LRCH3: variants seen among roughly 807,000 people sequenced by gnomAD.
The protein encoded by LRCH3 is DISP complex protein LRCH3.
LRCH3 carries 68 observed loss-of-function variants against 104.5 expected under a neutral mutation model. That is an observed-to-expected ratio of 0.65 (90% CI 0.54 to 0.80). The LOEUF (loss-of-function observed/expected upper bound fraction) is 0.80. Ranked by LOEUF, LRCH3 falls within the 30% of genes least tolerant of loss-of-function variation. The pLI is 0.00. For synonymous variants in LRCH3, 344 were observed against 361.3 expected (o/e 0.95, Z 0.54); for missense variants, 951 against 953.9 (o/e 1.00, Z 0.04).
intron 9 of LRCH3, among the ~76,000 whole-genome samples, chr3:197,838,060 C>T (rs1468956125): frequency 7.0e-6 from 1 of 142,812 alleles, no homozygotes; most frequent in Non-Finnish European, 1.5e-5. Context: ...ATTCTGTATC[C>T]AAAAAAAAAA....
chr3:197,849,280 A>G (rs1739226794), intron 12 of LRCH3, among the ~76,000 whole-genome samples: 2 of 151,164 alleles, frequency 1.3e-5, no homozygotes, highest in African/African-American at 4.9e-5. Context: ...AAAAAAAAAA[A>G]AAAAAAAAAA....
chr3:197,808,493 A>G (rs1401783000), intron 1 of LRCH3, among the ~76,000 whole-genome samples: 1 of 152,156 alleles, frequency 6.6e-6, no homozygotes, highest in African/African-American at 2.4e-5. Flanking sequence ...TTTAGATTAC[A>G]TCTGCTGCTA....
intron 10 of LRCH3, among the ~76,000 whole-genome samples, chr3:197,846,128 C>T (rs939053234): frequency 2.0e-5 from 3 of 151,674 alleles, no homozygotes; most frequent in Non-Finnish European, 4.4e-5. Flanking sequence ...CAGGGCGTGG[C>T]GTGGTGGCCC....
intron 8 of LRCH3, among the ~76,000 whole-genome samples, chr3:197,834,083 G>A (rs1736353724): frequency 6.6e-6 from 1 of 152,168 alleles, no homozygotes; most frequent in Non-Finnish European, 1.5e-5. Context: ...GCTTCCCCAA[G>A]TTCACTGTTC....
intron 6 of LRCH3, 109 bp from the exon 7 acceptor site, chr3:197,830,661 A>T: frequency 1.2e-6 from 1 of 808,728 alleles, no homozygotes; most frequent in Non-Finnish European, 2.0e-6. Flanking sequence ...TAGTTCTAAT[A>T]GTTAAGTGAC....
At chr3:197,804,315 T>C (rs956276940) in intron 1 of LRCH3, among the ~76,000 whole-genome samples, 1 of 152,132 alleles carries the variant, frequency 6.6e-6, no homozygotes, top group African/African-American at 2.4e-5. Flanking sequence ...AAGAAAGTTA[T>C]GACACCAGTT....
At position 197,797,880 on chromosome 3, in the gene LRCH3, AAAC is replaced by A. The variant is rs1281781773; in HGVS notation, c.262+6343_262+6345del. ...ATCTCAAAAAAAAAAAAAACAAAAA[AAAC>A]AAAAAAAAAAACAAAACCAGAAAAA... On this transcript the variant is annotated intron_variant, in intron 1 of 20. Transcript: ENST00000425562. 4.4e-3 allele frequency among the ~76,000 whole-genome samples: 602 copies of A among 137,264 alleles called. 4 individuals carry two copies. The highest frequency in any genetic ancestry group is 0.017 in the East Asian group (81 of 4,784). 90.1% of individuals were successfully genotyped at this position (137,264 alleles called of 152,430 possible).
chr3:197,869,282 A>G (rs1462312763), intron 17 of LRCH3, among the ~76,000 whole-genome samples: 5 of 147,118 alleles, frequency 3.4e-5, no homozygotes, highest in African/African-American at 7.6e-5. Context: ...GTAGAAAGCG[A>G]TGCACTGTAC....
chr3:197,793,971 C>T (rs971343722), intron 1 of LRCH3, among the ~76,000 whole-genome samples: 2 of 152,148 alleles, frequency 1.3e-5, no homozygotes, highest in African/African-American at 2.4e-5. Flanking sequence ...TGTAATTCAC[C>T]GTGTTAGATA....
intron 4 of LRCH3, among the ~76,000 whole-genome samples, chr3:197,825,548 C>T (rs541445444): frequency 2.7e-3 from 332 of 123,736 alleles, no homozygotes; most frequent in African/African-American, 9.8e-3. Context: ...GGCTCAATCT[C>T]GGCTCACTGC....
At position 197,885,081 on chromosome 3, in the gene LRCH3, G is replaced by T. The variant is rs1026191930; in HGVS notation, c.*1415G>T. 6.6e-6 allele frequency: 1 copy of T among 152,108 alleles called. No individual in the cohort carries two copies. The highest frequency in any genetic ancestry group is 1.9e-4 in the East Asian group (1 of 5,190). The allele number at this position is 152,108 out of a possible 1,614,324, so 9.4% of individuals were successfully genotyped here. On this transcript the variant is annotated 3_prime_UTR_variant, in exon 21 of 21. Coordinates refer to ENST00000425562, the MANE Select transcript of LRCH3 (RefSeq NM_001365715.1). ...CCTCTATACACAGGTTCCAAACCCC[G>T]TTATCTAGACATTATCAACAACAAG...
chr3:197,838,171 G>A (rs569618129), intron 9 of LRCH3, among the ~76,000 whole-genome samples: 9 of 144,586 alleles, frequency 6.2e-5, no homozygotes, highest in Admixed American at 1.4e-4. Context: ...TGTAGTCTCA[G>A]CCACTCGGGA....
At chr3:197,870,114 A>G (rs1226843319) in intron 17 of LRCH3, 46 bp from the exon 18 acceptor site, 7 of 1,596,272 alleles carry the variant, frequency 4.4e-6, no homozygotes, top group African/African-American at 2.7e-5. Context: ...ATGTTCTCCT[A>G]GCACTGCCAG....
chr3:197,863,314 A>G (rs1027763608), intron 15 of LRCH3, among the ~76,000 whole-genome samples: 11 of 152,032 alleles, frequency 7.2e-5, no homozygotes, highest in African/African-American at 2.2e-4. Flanking sequence ...CCAGGCTGGA[A>G]TGCAGTGGCG....
At chr3:197,825,445 T>A (rs1055185347) in intron 4 of LRCH3, among the ~76,000 whole-genome samples, 1 of 143,504 alleles carries the variant, frequency 7.0e-6, no homozygotes, top group Non-Finnish European at 1.5e-5. Context: ...TTATTAGACC[T>A]CTTTGTTGAT....
chr3:197,883,510 G>T lies in LRCH3; in HGVS notation c.2209-31G>T, dbSNP rs1184780725. The T allele has an allele frequency of 4.6e-6, 7 of 1,514,476 alleles. No individual in the cohort carries two copies. The Admixed American group carries it at 6.3e-5, about 14-fold the overall frequency. 93.8% of individuals were successfully genotyped at this position (1,514,476 alleles called of 1,614,324 possible). On this transcript the variant is annotated intron_variant, in intron 20 of 20. Transcript: ENST00000425562. The surrounding 1 kb of genome is among the most constrained non-coding windows in gnomAD (Gnocchi z 4.2). Reference sequence around the variant, plus strand: ...TGATATTCATCCGATTTTCTTTTTTGTTTGTTTTCATGTTACGTTGTCCCT... The same window carrying T: ...TGATATTCATCCGATTTTCTTTTTTTTTTGTTTTCATGTTACGTTGTCCCT...
At chr3:197,861,523 A>G (rs1740879374) in intron 15 of LRCH3, among the ~76,000 whole-genome samples, 1 of 152,236 alleles carries the variant, frequency 6.6e-6, no homozygotes, top group African/African-American at 2.4e-5. Context: ...GTCATATGAG[A>G]TTAAAAATAA....
chr3:197,835,006 T>C (rs903603357), intron 8 of LRCH3, among the ~76,000 whole-genome samples: 8 of 151,892 alleles, frequency 5.3e-5, no homozygotes, highest in Non-Finnish European at 8.8e-5. Flanking sequence ...TAGCCGGGCG[T>C]GGTGGTGCAC....
intron 7 of LRCH3, 141 bp from the exon 8 acceptor site, chr3:197,832,056 G>A: frequency 1.4e-6 from 1 of 719,300 alleles, no homozygotes; most frequent in Non-Finnish European, 2.2e-6. Context: ...TAGGATTACA[G>A]GCATGTGTGA....
Sources: gnomAD v4.1 joint callset for allele counts (sites outside exome capture counted in the v4.1 genomes callset) on GRCh38, gnomAD v4.1.1 for gene constraint, Gnocchi (gnomAD v3.1) non-coding constraint, MANE v1.5 for transcripts, NCBI Gene and HGNC (gene_info 2026-07-23, HGNC 2026-07-21) for gene names.